Variants in DDAH1 observed in about 807,000 individuals in gnomAD.
DDAH1 encodes N(G),N(G)-dimethylarginine dimethylaminohydrolase 1.
DDAH1 carries 19 observed loss-of-function variants against 28.8 expected under a neutral mutation model. The observed-to-expected ratio is 0.66, with a 90% CI of 0.46 to 0.97. The LOEUF is 0.97. Among genes scored for constraint, DDAH1 ranks in the 50% least tolerant of loss-of-function variants. The pLI, the probability that DDAH1 is intolerant of heterozygous loss-of-function variation, is 0.00. For missense variants in DDAH1, 326 were observed against 375.9 expected, an observed-to-expected ratio of 0.87 and a Z score of 1.10; for synonymous variants, 153 against 154.4, an observed-to-expected ratio of 0.99 and a Z score of 0.07.
intron 4 of DDAH1, among the ~76,000 whole-genome samples, chr1:85,346,777 A>C (rs1648873695): frequency 6.6e-6 from 1 of 152,184 alleles, no homozygotes. Flanking sequence ...GATCTAATTA[A>C]ATGAAGGAGC....
intron 1 of DDAH1, among the ~76,000 whole-genome samples, chr1:85,424,284 G>A (rs1653290955): frequency 6.6e-6 from 1 of 151,984 alleles, no homozygotes; most frequent in East Asian, 1.9e-4. Flanking sequence ...AAGGAGAATT[G>A]GTGTTATTTC....
chr1:85,501,908 G>A (rs1439949409), intron 1 of DDAH1, among the ~76,000 whole-genome samples: 1 of 152,006 alleles, frequency 6.6e-6, no homozygotes, highest in Non-Finnish European at 1.5e-5. Context: ...CTGGTTTTTA[G>A]AACTCTAATC....
At chr1:85,537,267 G>C (rs1419280379) in intron 1 of DDAH1, among the ~76,000 whole-genome samples, 1 of 151,478 alleles carries the variant, frequency 6.6e-6, no homozygotes. Flanking sequence ...CTGTGAGGTG[G>C]AGGTTGCAGT....
At chr1:85,345,232 T>C (rs1648770110) in intron 4 of DDAH1, among the ~76,000 whole-genome samples, 1 of 152,140 alleles carries the variant, frequency 6.6e-6, no homozygotes, top group Non-Finnish European at 1.5e-5. Flanking sequence ...GTTCAAACTT[T>C]GGAGTAACTG....
chr1:85,444,320 T>C (rs963711218), intron 1 of DDAH1, among the ~76,000 whole-genome samples: 7 of 152,210 alleles, frequency 4.6e-5, no homozygotes, highest in African/African-American at 1.4e-4. Context: ...ATTACGTTTA[T>C]TGATTTGCAT....
chr1:85,426,237 A>G (rs1000454596), intron 1 of DDAH1, among the ~76,000 whole-genome samples: 3 of 152,196 alleles, frequency 2.0e-5, no homozygotes, highest in Non-Finnish European at 4.4e-5. Context: ...AAGTTATAAA[A>G]TAATAGTGTT....
At chr1:85,426,921 C>CA (rs10680800) in intron 1 of DDAH1, among the ~76,000 whole-genome samples, 48,323 of 119,846 alleles carry the variant, frequency 0.4, 8,977 homozygotes, top group Middle Eastern at 0.52. Context: ...TTAAAAAAAA[C>CA]AAAAAAAAAA....
chr1:85,445,924 T>C (rs1218147480), intron 1 of DDAH1, among the ~76,000 whole-genome samples: 1 of 152,188 alleles, frequency 6.6e-6, no homozygotes, highest in Non-Finnish European at 1.5e-5. Flanking sequence ...TAAAGCCAAA[T>C]GAAGCAATCC....
chr1:85,420,357 C>T (rs1653084734), intron 1 of DDAH1, among the ~76,000 whole-genome samples: 2 of 152,234 alleles, frequency 1.3e-5, no homozygotes, highest in African/African-American at 4.8e-5. Context: ...AACTCTTACT[C>T]TCTGCTTCCC....
chr1:85,549,821 G>A (rs2100793527), intron 1 of DDAH1, among the ~76,000 whole-genome samples: 1 of 152,282 alleles, frequency 6.6e-6, no homozygotes, highest in Middle Eastern at 3.4e-3. Flanking sequence ...AGTAGAATGA[G>A]TTTATTCTTC....
At chr1:85,397,959 T>C (rs1171341571) in intron 1 of DDAH1, among the ~76,000 whole-genome samples, 2 of 151,398 alleles carry the variant, frequency 1.3e-5, no homozygotes, top group African/African-American at 4.9e-5. Context: ...GCTTCTTATA[T>C]AGCCTGCAGA....
Position 85,409,087 on chromosome 1 carries a change from G to A in DDAH1, c.304-50240C>T, listed in dbSNP as rs148753621. 6.8e-3 allele frequency among the ~76,000 whole-genome samples: 1,032 copies of A among 152,240 alleles called. 9 individuals carry two copies. Among genetic ancestry groups the A allele is most frequent in the African/African-American group, 0.023 (969 of 41,540 alleles). On this transcript the variant is annotated intron_variant, in intron 1 of 5. Coordinates refer to ENST00000284031, the MANE Select transcript of DDAH1 (RefSeq NM_012137.4). ...GCCCAGGATGGCTTTGAATGCAGCC[G>A]AACACAAATTCACAAACTTTCTTAA...
At chr1:85,353,827 A>C (rs953696767) in intron 2 of DDAH1, among the ~76,000 whole-genome samples, 1 of 152,228 alleles carries the variant, frequency 6.6e-6, no homozygotes, top group Non-Finnish European at 1.5e-5. Context: ...TTTCCAAGAA[A>C]CAAAGGGAGG....
intron 1 of DDAH1, among the ~76,000 whole-genome samples, chr1:85,445,802 T>C (rs2100660873): frequency 6.6e-6 from 1 of 152,238 alleles, no homozygotes; most frequent in East Asian, 1.9e-4. Flanking sequence ...GGTCTCTTCA[T>C]GTTGCCTAGG....
intron 1 of DDAH1, among the ~76,000 whole-genome samples, chr1:85,459,844 G>C (rs1376257355): frequency 2.0e-5 from 3 of 152,186 alleles, no homozygotes; most frequent in Non-Finnish European, 4.4e-5. Context: ...TCATTTACGA[G>C]AGAAGGGAAG....
chr1:85,397,628 G>A (rs1226416236), intron 1 of DDAH1, among the ~76,000 whole-genome samples: 2 of 152,096 alleles, frequency 1.3e-5, no homozygotes, highest in East Asian at 3.8e-4. Flanking sequence ...TCCTTAATAT[G>A]ATTATTTTCA....
At chr1:85,437,656 G>A (rs1423386037) in intron 1 of DDAH1, among the ~76,000 whole-genome samples, 1 of 152,172 alleles carries the variant, frequency 6.6e-6, no homozygotes, top group East Asian at 1.9e-4. Flanking sequence ...CCAGGCAACA[G>A]TAGGCTATTT....
At position 85,491,043 on chromosome 1, in the gene DDAH1, A is replaced by ACTCTTTTTTTTTTTTTTTTTTTTTTT. The variant is rs1557686884; in HGVS notation, c.-7+5122_-7+5123insAAAAAAAAAAAAAAAAAAAAAAAGAG. ...TCTTCTAATGACAACAGTAACATGT[A>ACTCTTTTTTTTTTTTTTTTTTTTTTT]TTCTTTTTTTTTTTTTTTTTTTTGA... On this transcript the variant is annotated intron_variant, in intron 2 of 6. Coordinates refer to the DDAH1 transcript ENST00000426972. Among the ~76,000 whole-genome samples the ACTCTTTTTTTTTTTTTTTTTTTTTTT allele has an allele frequency of 8.8e-5, 7 of 79,340 alleles. 3 individuals are homozygous for ACTCTTTTTTTTTTTTTTTTTTTTTTT. Among genetic ancestry groups the ACTCTTTTTTTTTTTTTTTTTTTTTTT allele is most frequent in the Non-Finnish European group, 4.7e-5 (2 of 42,166 alleles). The allele number at this position is 79,340 out of a possible 152,430, so 52.1% of individuals were successfully genotyped here. A position where few individuals can be genotyped will look rare whatever the true frequency, so the allele number is the denominator to read the frequency against.
intron 1 of DDAH1, among the ~76,000 whole-genome samples, chr1:85,369,305 A>C (rs1650252742): frequency 6.7e-6 from 1 of 148,642 alleles, no homozygotes; most frequent in East Asian, 2.0e-4. Flanking sequence ...TCTGGCCCCT[A>C]GTTGACTCTC....
Sources: allele counts gnomAD v4.1 joint callset (sites outside exome capture counted in the v4.1 genomes callset), GRCh38; gene constraint gnomAD v4.1.1; transcripts MANE v1.5; gene names NCBI Gene and HGNC (gene_info 2026-07-23, HGNC 2026-07-21).